Variants in DCC observed in about 807,000 individuals in gnomAD.
The protein encoded by DCC is DCC netrin 1 receptor, also known as netrin receptor DCC.
In DCC, 58 loss-of-function variants were observed where a neutral mutation model predicts 172.5. The observed-to-expected ratio is 0.34, with a 90% CI of 0.27 to 0.42. DCC has a LOEUF of 0.42. Among genes scored for constraint, DCC ranks in the 10% least tolerant of loss-of-function variants. The pLI, the probability that DCC is intolerant of heterozygous loss-of-function variation, is 1.00. For synonymous variants in DCC, 709 were observed against 644.5 expected, an observed-to-expected ratio of 1.10 and a Z score of -1.52; for missense variants, 1,740 against 1,791.0, an observed-to-expected ratio of 0.97 and a Z score of 0.51.
At chr18:53,028,694 C>T (rs2041988849) in intron 5 of DCC, among the ~76,000 whole-genome samples, 1 of 152,144 alleles carries the variant, frequency 6.6e-6, no homozygotes, top group Admixed American at 6.6e-5. Context: ...ACAATAGTCT[C>T]AATGTTAAAC....
At chr18:53,074,725 T>C (rs1306038412) in intron 7 of DCC, among the ~76,000 whole-genome samples, 1 of 152,162 alleles carries the variant, frequency 6.6e-6, no homozygotes, top group Non-Finnish European at 1.5e-5. Context: ...CATAAAGCAG[T>C]CATTTGATCT....
At chr18:52,822,104 ACT>A (rs1008104382) in intron 2 of DCC, among the ~76,000 whole-genome samples, 1 of 152,128 alleles carries the variant, frequency 6.6e-6, no homozygotes, top group Non-Finnish European at 1.5e-5. Context: ...CTTAGAGTGA[ACT>A]CTCTCCAGTT....
chr18:52,944,512 C>G (rs1051190454), intron 5 of DCC, among the ~76,000 whole-genome samples: 1 of 152,080 alleles, frequency 6.6e-6, no homozygotes, highest in Non-Finnish European at 1.5e-5. Flanking sequence ...GTTTTACAAG[C>G]AAAAGCATAT....
chr18:53,021,186 G>C (rs2041876390), intron 5 of DCC, among the ~76,000 whole-genome samples: 1 of 152,188 alleles, frequency 6.6e-6, no homozygotes, highest in African/African-American at 2.4e-5. Context: ...ACAGAGGTTG[G>C]CTCTGAAGGG....
chr18:52,570,015 CT>C (rs1336846828), intron 1 of DCC, among the ~76,000 whole-genome samples: 1 of 152,086 alleles, frequency 6.6e-6, no homozygotes, highest in Non-Finnish European at 1.5e-5. Context: ...AGTCAAAATA[CT>C]GGGATCCTAG....
chr18:52,794,970 A>G (rs1262915941), intron 2 of DCC, among the ~76,000 whole-genome samples: 1 of 152,008 alleles, frequency 6.6e-6, no homozygotes, highest in Non-Finnish European at 1.5e-5. Context: ...CATCCCTGAG[A>G]CAAATCCCCC....
At chr18:53,358,030 T>C (rs2057897087) in intron 15 of DCC, among the ~76,000 whole-genome samples, 1 of 152,174 alleles carries the variant, frequency 6.6e-6, no homozygotes, top group African/African-American at 2.4e-5. Flanking sequence ...TGGAGTTTTA[T>C]CTCAAATTTG....
chr18:52,385,169 G>A (rs1039495284), intron 1 of DCC, among the ~76,000 whole-genome samples: 3 of 152,106 alleles, frequency 2.0e-5, no homozygotes, highest in East Asian at 3.9e-4. Context: ...GAAGATAAAC[G>A]GGAATGCACT....
chr18:53,130,540 T>C (rs932216003), intron 7 of DCC, among the ~76,000 whole-genome samples: 2 of 152,180 alleles, frequency 1.3e-5, no homozygotes, highest in African/African-American at 2.4e-5. Flanking sequence ...TGATACCTAT[T>C]CTCTCCTGTC....
intron 1 of DCC, among the ~76,000 whole-genome samples, chr18:52,738,745 G>A (rs563874723): frequency 7.2e-6 from 1 of 138,688 alleles, no homozygotes; most frequent in Non-Finnish European, 1.6e-5. Flanking sequence ...TTCTTTCTTT[G>A]TTTTTTTTTT....
intron 2 of DCC, among the ~76,000 whole-genome samples, chr18:52,881,767 AC>A (rs1421384854): frequency 2.0e-5 from 3 of 151,994 alleles, no homozygotes; most frequent in African/African-American, 7.2e-5. Flanking sequence ...TTTGCTCAGG[AC>A]AGATTTGGCT....
intron 4 of DCC, among the ~76,000 whole-genome samples, chr18:52,924,721 C>T (rs1598935209): frequency 6.6e-6 from 1 of 151,998 alleles, no homozygotes; most frequent in South Asian, 2.1e-4. Context: ...AACAACAAGG[C>T]ATGGCATATG....
chr18:53,529,997 A>G (rs983013760), intron 28 of DCC, among the ~76,000 whole-genome samples: 3 of 152,136 alleles, frequency 2.0e-5, no homozygotes, highest in Admixed American at 1.3e-4. Flanking sequence ...TAATCTCCAG[A>G]CGTTTCATTG....
At chr18:52,624,702 A>C (rs545174043) in intron 1 of DCC, among the ~76,000 whole-genome samples, 1 of 152,312 alleles carries the variant, frequency 6.6e-6, no homozygotes, top group Admixed American at 6.5e-5. Flanking sequence ...TGGAAAACTG[A>C]CTCAATTAAT....
At chr18:53,452,506 G>C (rs756038055) in intron 23 of DCC, among the ~76,000 whole-genome samples, 1 of 152,114 alleles carries the variant, frequency 6.6e-6, no homozygotes, top group Non-Finnish European at 1.5e-5. Context: ...ATGTGCAAAA[G>C]TGGGATTTGG....
intron 1 of DCC, among the ~76,000 whole-genome samples, chr18:52,469,069 T>G (rs199935787): frequency 8.3e-6 from 1 of 120,644 alleles, no homozygotes; most frequent in African/African-American, 3.2e-5. Flanking sequence ...ATTTATTTAT[T>G]TATTTAGAGA....
At chr18:53,123,923 G>A (rs1160520585) in intron 7 of DCC, among the ~76,000 whole-genome samples, 2 of 152,002 alleles carry the variant, frequency 1.3e-5, no homozygotes, top group Non-Finnish European at 2.9e-5. Context: ...CTTTCTGGAT[G>A]ATGGAATCAT....
At chr18:52,545,443 G>A (rs2032584331) in intron 1 of DCC, among the ~76,000 whole-genome samples, 1 of 152,166 alleles carries the variant, frequency 6.6e-6, no homozygotes, top group African/African-American at 2.4e-5. Flanking sequence ...TTTTTTGAAT[G>A]ATGCTCACAG....
Position 52,951,559 on chromosome 18 carries a change from T to A in DCC, c.985+26189T>A, listed in dbSNP as rs553733338. ...TTTGGTTTTCTGTTCCTGTGTTAGT[T>A]TGCTGAGAATGATGGCTTCCAGCTT... On this transcript the variant is annotated intron_variant, in intron 5 of 28. Coordinates refer to ENST00000442544, the MANE Select transcript of DCC (RefSeq NM_005215.4). Among the ~76,000 whole-genome samples the A allele has an allele frequency of 2.8e-4, 43 of 152,276 alleles. 1 individual carries two copies. In the South Asian group the frequency reaches 8.7e-3, roughly 31 times the overall value.
Sources: gnomAD v4.1 joint callset for allele counts (sites outside exome capture counted in the v4.1 genomes callset) on GRCh38, gnomAD v4.1.1 for gene constraint, MANE v1.5 for transcripts, NCBI Gene and HGNC (gene_info 2026-07-23, HGNC 2026-07-21) for gene names.